Variants in GLRA1 observed in about 807,000 individuals in gnomAD.
GLRA1 encodes glycine receptor subunit alpha-1.
GLRA1 carries 37 observed loss-of-function variants against 48.3 expected under a neutral mutation model. That is an observed-to-expected ratio of 0.77 (90% CI 0.59 to 1.01). The LOEUF is 1.01. Ranked by LOEUF, GLRA1 falls within the 50% of genes least tolerant of loss-of-function variation. GLRA1 has a pLI of 0.00. For missense variants in GLRA1, 427 were observed against 571.0 expected, an observed-to-expected ratio of 0.75 and a Z score of 2.57; for synonymous variants, 196 against 210.7, an observed-to-expected ratio of 0.93 and a Z score of 0.60.
At chr5:151,872,980 A>G (rs1031950434) in intron 3 of GLRA1, among the ~76,000 whole-genome samples, 2 of 149,800 alleles carry the variant, frequency 1.3e-5, no homozygotes, top group East Asian at 3.8e-4. Context: ...TGTCCACTAA[A>G]TTTTATTACC....
At chr5:151,887,188 C>T (rs1008404037) in intron 2 of GLRA1, among the ~76,000 whole-genome samples, 1 of 152,180 alleles carries the variant, frequency 6.6e-6, no homozygotes, top group Non-Finnish European at 1.5e-5. Context: ...CAGCAAGCTC[C>T]TTGCCTTCAA....
intron 6 of GLRA1, 86 bp from the exon 7 acceptor site, chr5:151,851,690 T>A (rs998014216): frequency 1.2e-6 from 1 of 858,130 alleles, no homozygotes; most frequent in Non-Finnish European, 2.0e-6. Flanking sequence ...GCTAGAGTCC[T>A]GGTTCAGTCT....
At chr5:151,880,540 A>G (rs1753734953) in intron 3 of GLRA1, among the ~76,000 whole-genome samples, 1 of 152,244 alleles carries the variant, frequency 6.6e-6, no homozygotes. Context: ...GCTGGAACAC[A>G]TGTTCTAATA....
chr5:151,861,176 A>G (rs1319921447), intron 3 of GLRA1, among the ~76,000 whole-genome samples: 1 of 152,168 alleles, frequency 6.6e-6, no homozygotes, highest in Non-Finnish European at 1.5e-5. Context: ...GAATAATGCC[A>G]CAATAAACAT....
intron 6 of GLRA1, among the ~76,000 whole-genome samples, chr5:151,853,412 AT>A (rs57264480): frequency 2.9e-3 from 407 of 140,824 alleles, no homozygotes; most frequent in African/African-American, 5.5e-3. Flanking sequence ...TGCCCAACTA[AT>A]TTTTTTTTTT....
chr5:151,887,342 A>T (rs1425988388), intron 2 of GLRA1, among the ~76,000 whole-genome samples: 1 of 152,234 alleles, frequency 6.6e-6, no homozygotes, highest in African/African-American at 2.4e-5. Flanking sequence ...AGCGTAGGAA[A>T]GAAATGGAGG....
intron 1 of GLRA1, among the ~76,000 whole-genome samples, chr5:151,911,780 T>G (rs543496423): frequency 7.2e-5 from 11 of 152,002 alleles, no homozygotes; most frequent in Middle Eastern, 3.4e-3. Context: ...TAATTTTTTT[T>G]TGTGTTTTTA....
chr5:151,883,304 A>G (rs574177304), intron 3 of GLRA1, among the ~76,000 whole-genome samples: 2 of 152,246 alleles, frequency 1.3e-5, no homozygotes, highest in African/African-American at 4.8e-5. Flanking sequence ...GCATGGCATG[A>G]TATTGGGTTG....
chr5:151,833,962 C>T (rs927183550), intron 7 of GLRA1, among the ~76,000 whole-genome samples: 1 of 152,086 alleles, frequency 6.6e-6, no homozygotes, highest in African/African-American at 2.4e-5. Flanking sequence ...CCCATATACA[C>T]CCAGATTCGT....
Position 151,870,155 on chromosome 5 carries a change from G to A in GLRA1, c.253-10147C>T, listed in dbSNP as rs537499389. On this transcript the variant is annotated intron_variant, in intron 3 of 8. Transcript: ENST00000274576. Reference sequence around the variant, plus strand: ...GAAATATAGTAGACGTAGTATACTGGGGACCCACTGAGCCCATGTGACAGA... The same window carrying A: ...GAAATATAGTAGACGTAGTATACTGAGGACCCACTGAGCCCATGTGACAGA... Among the ~76,000 whole-genome samples the A allele has an allele frequency of 5.5e-4, 82 of 149,450 alleles. 1 individual carries two copies. Among genetic ancestry groups the A allele is most frequent in the Middle Eastern group, 3.4e-3 (1 of 294 alleles).
At chr5:151,846,477 A>T (rs1206297933) in intron 7 of GLRA1, among the ~76,000 whole-genome samples, 22 of 152,218 alleles carry the variant, frequency 1.4e-4, no homozygotes, top group Admixed American at 1.4e-3. Flanking sequence ...GTGATCAGAG[A>T]ATGTGGATTC....
At chr5:151,831,577 CTG>C (rs149001317) in intron 7 of GLRA1, among the ~76,000 whole-genome samples, 5,886 of 152,304 alleles carry the variant, frequency 0.039, 368 homozygotes, top group African/African-American at 0.13. Flanking sequence ...AGCAAAGCCT[CTG>C]TAGCCAGGCT....
At chr5:151,831,609 C>G (rs572374942) in intron 7 of GLRA1, among the ~76,000 whole-genome samples, 201 of 152,330 alleles carry the variant, frequency 1.3e-3, no homozygotes, top group African/African-American at 4.5e-3. Flanking sequence ...GATTCCTCCT[C>G]TCTGGGCAGA....
chr5:151,924,660 G>C lies in GLRA1; in HGVS notation c.-111C>G, dbSNP rs1438626993. On this transcript the variant is annotated 5_prime_UTR_variant, in exon 1 of 9. Transcript: ENST00000274576. ...TGCAAAAAATAATCCAGATGTTAAA[G>C]GGAGGCGGGGAACAGGGGCGCGGAG... 1 of 788,238 alleles carries C rather than the reference G, an allele frequency of 1.3e-6. No homozygotes were observed. The highest frequency in any genetic ancestry group is 2.3e-6 in the Non-Finnish European group (1 of 431,392). 48.8% of individuals were successfully genotyped at this position (788,238 alleles called of 1,614,324 possible).
chr5:151,846,074 G>A (rs577850913), intron 7 of GLRA1, among the ~76,000 whole-genome samples: 8 of 152,300 alleles, frequency 5.3e-5, no homozygotes, highest in Non-Finnish European at 8.8e-5. Flanking sequence ...GGGGAATGAG[G>A]AGTGACTGTT....
At chr5:151,828,717 G>A (rs1206494601) in intron 8 of GLRA1, among the ~76,000 whole-genome samples, 1 of 152,164 alleles carries the variant, frequency 6.6e-6, no homozygotes, top group Admixed American at 6.5e-5. Flanking sequence ...GTTAGGATTC[G>A]AAGAGTGACT....
chr5:151,839,349 A>T lies in GLRA1; in HGVS notation c.913-10282T>A, dbSNP rs532982158. ...AACTGCATAGGTAAATATTCAAGAC[A>T]ATATAAAAAATGCAGTTTTTGTTTA... On this transcript the variant is annotated intron_variant, in intron 7 of 8. Transcript: ENST00000274576. Among the ~76,000 whole-genome samples the T allele has an allele frequency of 5.5e-5, 8 of 144,266 alleles. No homozygotes were observed. The South Asian group carries it at 1.7e-3, about 30-fold the overall frequency. The allele number at this position is 144,266 out of a possible 152,430, so 94.6% of individuals were successfully genotyped here. A position where few individuals can be genotyped will look rare whatever the true frequency, so the allele number is the denominator to read the frequency against.
At chr5:151,878,334 G>T (rs1248665598) in intron 3 of GLRA1, among the ~76,000 whole-genome samples, 3 of 152,180 alleles carry the variant, frequency 2.0e-5, no homozygotes, top group African/African-American at 7.2e-5. Flanking sequence ...TTATGTGGTT[G>T]CTGTTAAAGG....
chr5:151,855,085 T>G lies in GLRA1; in HGVS notation c.652A>C (p.Lys218Gln). 1 of 1,614,130 alleles carries G rather than the reference T, an allele frequency of 6.2e-7. No homozygotes were observed. The highest frequency in any genetic ancestry group is 8.5e-7 in the Non-Finnish European group (1 of 1,179,990). Residue 218 changes from lysine to glutamine, a missense_variant, in exon 6 of 9, where the codon AAG becomes CAG. Lys to Gln is a moderately conservative substitution (Grantham distance 53). Coordinates refer to ENST00000274576, the MANE Select transcript of GLRA1 (RefSeq NM_000171.4). Reference protein sequence around the residue: ...DGLTLPQFILKEEKDLRYCTK... With the variant: ...DGLTLPQFILQEEKDLRYCTK... ...CAGTATCTCAAGTCCTTCTCTTCCTTCAAGATAAACTGGGGCAGAGTTAGT... is the reference window on the plus strand; with the variant it reads ...CAGTATCTCAAGTCCTTCTCTTCCTGCAAGATAAACTGGGGCAGAGTTAGT...
Sources: allele counts gnomAD v4.1 joint callset (sites outside exome capture counted in the v4.1 genomes callset), GRCh38; gene constraint gnomAD v4.1.1; transcripts MANE v1.5; gene names NCBI Gene and HGNC (gene_info 2026-07-23, HGNC 2026-07-21).